Variants in SHC4 observed in about 807,000 individuals in gnomAD.
SHC4 encodes SHC adaptor protein 4.
Under a neutral mutation model 69.4 loss-of-function variants are expected in SHC4, and 41 were observed. The ratio of observed to expected loss-of-function variants is 0.59; its 90% confidence interval spans 0.46 to 0.77. SHC4 has a LOEUF of 0.77. SHC4 is among the 30% of genes least tolerant of loss of function. The probability of loss-of-function intolerance (pLI) is 0.00; values close to 1 mark genes in which losing one functional copy is unlikely to be tolerated. For missense variants in SHC4, 777 were observed against 783.8 expected, an observed-to-expected ratio of 0.99 and a Z score of 0.10; for synonymous variants, 318 against 299.3, an observed-to-expected ratio of 1.06 and a Z score of -0.64.
At chr15:48,956,647 AC>A (rs1449641905) in intron 1 of SHC4, among the ~76,000 whole-genome samples, 9 of 151,602 alleles carry the variant, frequency 5.9e-5, no homozygotes, top group African/African-American at 1.9e-4. Context: ...CTGTTCTACC[AC>A]CCTCCATCTC....
chr15:48,922,876 T>C (rs1324587126), intron 2 of SHC4, among the ~76,000 whole-genome samples: 1 of 150,364 alleles, frequency 6.7e-6, no homozygotes, highest in African/African-American at 2.4e-5. Context: ...AAGTAGTAGA[T>C]ACCATGTCAC....
At position 48,824,132 on chromosome 15, in the gene SHC4, A is replaced by C. The variant is rs1227875945; in HGVS notation, c.*1839T>G. 6.6e-6 allele frequency: 1 copy of C among 152,206 alleles called. No homozygotes were observed. Among genetic ancestry groups the C allele is most frequent in the Non-Finnish European group, 1.5e-5 (1 of 68,044 alleles). The allele number at this position is 152,206 out of a possible 1,614,324, so 9.4% of individuals were successfully genotyped here. A position where few individuals can be genotyped will look rare whatever the true frequency, so the allele number is the denominator to read the frequency against. On this transcript the variant is annotated 3_prime_UTR_variant, in exon 12 of 12. Coordinates refer to ENST00000332408, the MANE Select transcript of SHC4 (RefSeq NM_203349.4). ...TCATGCTGATCCCCTTTTTAAGGAC[A>C]AACGATCAAGACCTAAGGTATATGG...
At chr15:48,917,527 C>T (rs1018454005) in intron 2 of SHC4, among the ~76,000 whole-genome samples, 1 of 152,020 alleles carries the variant, frequency 6.6e-6, no homozygotes, top group African/African-American at 2.4e-5. Context: ...TTTCTCTTTA[C>T]TATCAGTAAA....
intron 1 of SHC4, among the ~76,000 whole-genome samples, chr15:48,945,547 G>A (rs985612710): frequency 2.6e-5 from 4 of 152,222 alleles, no homozygotes; most frequent in African/African-American, 9.6e-5. Context: ...AAAAAGAAAG[G>A]AAGAACTGAC....
chr15:48,875,249 C>A (rs1899773832), intron 4 of SHC4, among the ~76,000 whole-genome samples: 1 of 152,212 alleles, frequency 6.6e-6, no homozygotes, highest in Non-Finnish European at 1.5e-5. Flanking sequence ...AGACCACACA[C>A]CCTGCATTAA....
At position 48,949,263 on chromosome 15, in the gene SHC4, T is replaced by C. The variant is rs1393421956; in HGVS notation, c.585+13168A>G. On this transcript the variant is annotated intron_variant, in intron 1 of 11. Coordinates refer to ENST00000332408, the MANE Select transcript of SHC4 (RefSeq NM_203349.4). ...GTGGGCGCCTGTAGTCCCAGCTACT[T>C]GGGAGGCTGAGGCAGGAGACTGGCA... Among the ~76,000 whole-genome samples the C allele has an allele frequency of 2.7e-5, 4 of 150,494 alleles. No individual in the cohort carries two copies. In the East Asian group the frequency reaches 7.9e-4, roughly 30 times the overall value.
intron 2 of SHC4, among the ~76,000 whole-genome samples, chr15:48,909,834 T>C (rs1337444073): frequency 6.6e-6 from 1 of 152,232 alleles, no homozygotes; most frequent in Non-Finnish European, 1.5e-5. Context: ...TATTTTTAAT[T>C]TTATTTGTGT....
intron 4 of SHC4, among the ~76,000 whole-genome samples, chr15:48,883,191 A>G (rs1190742794): frequency 1.3e-5 from 2 of 152,182 alleles, no homozygotes; most frequent in Admixed American, 1.3e-4. Flanking sequence ...TGAGTAAATA[A>G]TAATAGGTAT....
At chr15:48,846,757 A>T (rs8036806) in intron 9 of SHC4, among the ~76,000 whole-genome samples, 6,406 of 152,258 alleles carry the variant, frequency 0.042, 277 homozygotes, top group East Asian at 0.22. Flanking sequence ...TGATTGGACA[A>T]ATATCTGCAT....
chr15:48,948,080 T>C (rs1349413249), intron 1 of SHC4: 1 of 152,248 alleles, frequency 6.6e-6, no homozygotes, highest in Non-Finnish European at 1.5e-5. Context: ...GGGTCTTGGA[T>C]AGGATTCTGC....
intron 4 of SHC4, chr15:48,877,957 A>AG: frequency 2.0e-6 from 1 of 507,414 alleles, no homozygotes; most frequent in Non-Finnish European, 3.4e-6. Context: ...ACGAAGTTCG[A>AG]ATCGATGGAA....
rs574137006 is a variant in SHC4 at position 48,856,042 on chromosome 15, C to A, written c.1153G>T (p.Val385Leu). 1 of 1,613,906 alleles carries A rather than the reference C, an allele frequency of 6.2e-7. No homozygotes were observed. The highest frequency in any genetic ancestry group is 8.5e-7 in the Non-Finnish European group (1 of 1,179,814). Residue 385 changes from valine (V) to leucine (L), a missense_variant, in exon 8 of 12, where the codon GTA (valine) becomes TTA (leucine). Physicochemically the swap from Val to Leu is conservative, Grantham distance 32. Transcript: ENST00000332408. ...YNEIPGKQPP[V>L]GGVSDMRIKV... is the part of the protein sequence containing the mutation. ...ATCCGCATATCTGAAACACCACCTA[C>A]TGGTGGCTGCTTCCCTGGAATTTCA...
intron 3 of SHC4, among the ~76,000 whole-genome samples, chr15:48,888,789 G>C (rs1199358934): frequency 1.3e-5 from 2 of 151,498 alleles, no homozygotes; most frequent in Non-Finnish European, 2.9e-5. Flanking sequence ...CAGATACTCG[G>C]GAGGCTGAGG....
intron 2 of SHC4, among the ~76,000 whole-genome samples, chr15:48,906,343 C>T (rs373265239): frequency 6.6e-6 from 1 of 152,200 alleles, no homozygotes; most frequent in East Asian, 1.9e-4. Flanking sequence ...AGAAATTGAT[C>T]TAATGTCTTC....
intron 4 of SHC4, chr15:48,876,407 G>A: frequency 2.7e-6 from 1 of 372,538 alleles, no homozygotes; most frequent in Non-Finnish European, 4.8e-6. Context: ...TATTAGTCAT[G>A]GTTCTCTAGA....
chr15:48,869,767 T>C (rs112539293), intron 5 of SHC4, among the ~76,000 whole-genome samples: 126 of 152,332 alleles, frequency 8.3e-4, no homozygotes, highest in African/African-American at 2.9e-3. Context: ...ACTTCTATTT[T>C]ACTAGACAGG....
intron 2 of SHC4, among the ~76,000 whole-genome samples, chr15:48,908,952 A>C (rs1900459386): frequency 1.3e-5 from 2 of 152,164 alleles, no homozygotes; most frequent in African/African-American, 4.8e-5. Flanking sequence ...TGACTATGGC[A>C]CTATAGTATC....
intron 4 of SHC4, among the ~76,000 whole-genome samples, chr15:48,882,589 A>G (rs1006336173): frequency 5.9e-5 from 9 of 152,290 alleles, no homozygotes; most frequent in African/African-American, 2.2e-4. Context: ...AATCCCATTC[A>G]TAAATTCCTT....
At chr15:48,878,130 A>T in intron 4 of SHC4, 1 of 1,511,532 alleles carries the variant, frequency 6.6e-7, no homozygotes, top group South Asian at 1.3e-5. Context: ...GCCGCGCAGC[A>T]TCTGTCTTGC....
Sources: gnomAD v4.1 joint callset for allele counts (sites outside exome capture counted in the v4.1 genomes callset) on GRCh38, gnomAD v4.1.1 for gene constraint, MANE v1.5 for transcripts, NCBI Gene and HGNC (gene_info 2026-07-23, HGNC 2026-07-21) for gene names.